GPC5: variants seen among roughly 807,000 people sequenced by gnomAD.
The protein encoded by GPC5 is glypican-5.
A neutral mutation model predicts 53.9 loss-of-function variants in GPC5; 47 were observed. The ratio of observed to expected loss-of-function variants is 0.87; its 90% CI spans 0.69 to 1.11. The LOEUF is 1.11. Among genes scored for constraint, GPC5 ranks in the 50% most tolerant of loss-of-function variants. The probability of loss-of-function intolerance (pLI) is 0.00; values close to 1 mark genes in which losing one functional copy is unlikely to be tolerated. For synonymous variants in GPC5, 286 were observed against 263.3 expected (o/e 1.09, Z -0.84); for missense variants, 748 against 713.1 (o/e 1.05, Z -0.56).
intron 7 of GPC5, among the ~76,000 whole-genome samples, chr13:92,244,856 G>T (rs7321608): frequency 1.7e-3 from 253 of 152,182 alleles, no homozygotes; most frequent in African/African-American, 5.8e-3. Flanking sequence ...TGGCCAACAT[G>T]GTGAAATCCC....
chr13:91,768,476 G>C (rs2037564179), intron 5 of GPC5, among the ~76,000 whole-genome samples: 1 of 152,066 alleles, frequency 6.6e-6, no homozygotes, highest in South Asian at 2.1e-4. Context: ...AAAGTAGATT[G>C]TCTAAACACA....
At chr13:92,137,773 C>CCCTA (rs2041796829) in intron 6 of GPC5, among the ~76,000 whole-genome samples, 1 of 152,140 alleles carries the variant, frequency 6.6e-6, no homozygotes, top group Non-Finnish European at 1.5e-5. Context: ...GGCAGGCATG[C>CCCTA]CCTACCACTC....
chr13:92,784,723 T>C (rs1876154053), intron 7 of GPC5, among the ~76,000 whole-genome samples: 1 of 152,160 alleles, frequency 6.6e-6, no homozygotes, highest in Non-Finnish European at 1.5e-5. Context: ...GATTAACAAA[T>C]GATGATGCTT....
chr13:91,704,910 G>A (rs1205385148), intron 3 of GPC5, among the ~76,000 whole-genome samples: 1 of 152,134 alleles, frequency 6.6e-6, no homozygotes, highest in East Asian at 1.9e-4. Flanking sequence ...CTACAACATT[G>A]GCCACTGATC....
intron 7 of GPC5, among the ~76,000 whole-genome samples, chr13:92,265,146 T>G (rs568085542): frequency 4.8e-4 from 73 of 152,234 alleles, no homozygotes; most frequent in Non-Finnish European, 8.8e-4. Context: ...TATTAATCTC[T>G]TAGCAAACAG....
chr13:91,994,146 C>T (rs73620031), intron 6 of GPC5, among the ~76,000 whole-genome samples: 9,976 of 152,138 alleles, frequency 0.066, 1,124 homozygotes, highest in African/African-American at 0.23. Flanking sequence ...CAGAGGAATA[C>T]AAGTAAGAAA....
At chr13:92,545,830 A>T (rs1320104148) in intron 7 of GPC5, among the ~76,000 whole-genome samples, 1 of 152,160 alleles carries the variant, frequency 6.6e-6, no homozygotes, top group African/African-American at 2.4e-5. Context: ...GCCGTTTGTC[A>T]GATGAGTAGG....
chr13:92,474,635 TAA>T (rs538436558), intron 7 of GPC5, among the ~76,000 whole-genome samples: 2 of 143,598 alleles, frequency 1.4e-5, no homozygotes, highest in Admixed American at 7.0e-5. Flanking sequence ...TTGTGATGGT[TAA>T]AAAAAAAAAA....
chr13:91,597,041 G>C lies in GPC5; in HGVS notation c.326-96146G>C, dbSNP rs147860472. Reference sequence around the variant, plus strand: ...AATAAATCTTCCTGGCTCTGCATGAGCTCCTCTGCCCACTGCAAGGCCTGG... The same window carrying C: ...AATAAATCTTCCTGGCTCTGCATGACCTCCTCTGCCCACTGCAAGGCCTGG... On this transcript the variant is annotated intron_variant, in intron 2 of 7. Transcript: ENST00000377067. 8.8e-4 allele frequency among the ~76,000 whole-genome samples: 134 copies of C among 152,254 alleles called. 1 individual carries two copies. Among genetic ancestry groups the C allele is most frequent in the Non-Finnish European group, 1.2e-3 (85 of 68,016 alleles).
chr13:92,684,057 T>C (rs1171794494), intron 7 of GPC5, among the ~76,000 whole-genome samples: 1 of 152,136 alleles, frequency 6.6e-6, no homozygotes, highest in Non-Finnish European at 1.5e-5. Flanking sequence ...TCCCCTGTGC[T>C]CTACCTAGTT....
At chr13:91,670,136 T>C (rs1218362496) in intron 2 of GPC5, among the ~76,000 whole-genome samples, 1 of 152,178 alleles carries the variant, frequency 6.6e-6, no homozygotes, top group Non-Finnish European at 1.5e-5. Flanking sequence ...TAGAAGCATA[T>C]GTTGCCCATT....
chr13:92,816,609 A>G (rs1250981095), intron 7 of GPC5, among the ~76,000 whole-genome samples: 2 of 151,970 alleles, frequency 1.3e-5, no homozygotes, highest in Non-Finnish European at 1.5e-5. Flanking sequence ...GTACTGTTCT[A>G]TACGTTAGTC....
At chr13:91,851,148 A>G (rs2038908587) in intron 5 of GPC5, among the ~76,000 whole-genome samples, 2 of 152,184 alleles carry the variant, frequency 1.3e-5, no homozygotes, top group Admixed American at 6.6e-5. Flanking sequence ...CATGGAGATA[A>G]GTATTGTTTC....
chr13:92,522,712 G>A lies in GPC5; in HGVS notation c.1562-343570G>A, dbSNP rs561493017. Among the ~76,000 whole-genome samples, 53 of 152,122 alleles carry A rather than the reference G, an allele frequency of 3.5e-4. 1 individual carries two copies. Among genetic ancestry groups the A allele is most frequent in the Non-Finnish European group, 4.9e-4 (33 of 67,968 alleles). On this transcript the variant is annotated intron_variant, in intron 7 of 7. Transcript: ENST00000377067. ...AAGCACTCCAACATGGCACATGTAT[G>A]CATATGTAACAAACCTGCACATTGT...
chr13:92,691,996 A>G (rs575126433), intron 7 of GPC5, among the ~76,000 whole-genome samples: 1 of 152,276 alleles, frequency 6.6e-6, no homozygotes, highest in Non-Finnish European at 1.5e-5. Flanking sequence ...ATAATATGGA[A>G]CAGTTAATTT....
intron 7 of GPC5, among the ~76,000 whole-genome samples, chr13:92,681,569 C>G (rs10507994): frequency 0.032 from 4,940 of 152,212 alleles, 92 homozygotes; most frequent in Admixed American, 0.057. Flanking sequence ...TTGCACCTTA[C>G]GACATCTTTG....
intron 7 of GPC5, among the ~76,000 whole-genome samples, chr13:92,359,559 T>C (rs1033001843): frequency 1.3e-5 from 2 of 151,626 alleles, no homozygotes; most frequent in African/African-American, 4.9e-5. Flanking sequence ...CGCATTACTA[T>C]AAAGAACTAC....
chr13:91,641,722 G>A (rs2034435654), intron 2 of GPC5, among the ~76,000 whole-genome samples: 1 of 152,192 alleles, frequency 6.6e-6, no homozygotes, highest in Non-Finnish European at 1.5e-5. Context: ...ATCATATTTA[G>A]TTTATCAGGA....
rs139936610 is a variant in GPC5, at chr13:92,237,305, C to T, written c.1561+92316C>T. Among the ~76,000 whole-genome samples the T allele has an allele frequency of 2.0e-3, 299 of 152,156 alleles. 2 individuals carry two copies. Among genetic ancestry groups the T allele is most frequent in the African/African-American group, 6.8e-3 (283 of 41,530 alleles). On this transcript the variant is annotated intron_variant, in intron 7 of 7. Coordinates refer to ENST00000377067, the MANE Select transcript of GPC5 (RefSeq NM_004466.6). ...CGTAATCTCAGCTCACTGCAACCTCCGCCTCCCAAGTTCAAGTGATCCTCT... is the reference window on the plus strand; with the variant it reads ...CGTAATCTCAGCTCACTGCAACCTCTGCCTCCCAAGTTCAAGTGATCCTCT...
Sources: gnomAD v4.1 joint callset for allele counts (sites outside exome capture counted in the v4.1 genomes callset) on GRCh38, gnomAD v4.1.1 for gene constraint, MANE v1.5 for transcripts, NCBI Gene and HGNC (gene_info 2026-07-23, HGNC 2026-07-21) for gene names.